Variants in MUSK observed in about 807,000 individuals in gnomAD.
MUSK encodes the protein muscle associated receptor tyrosine kinase.
Under a neutral mutation model 88.7 loss-of-function variants are expected in MUSK, and 55 were observed. That is an observed-to-expected ratio of 0.62 (90% CI 0.50 to 0.78). MUSK has a LOEUF of 0.78. Among genes scored for constraint, MUSK ranks in the 30% least tolerant of loss-of-function variants. The pLI, the probability that MUSK is intolerant of heterozygous loss-of-function variation, is 0.00. For synonymous variants in MUSK, 387 were observed against 391.9 expected, an observed-to-expected ratio of 0.99 and a Z score of 0.15; for missense variants, 1,015 against 1,074.3, an observed-to-expected ratio of 0.94 and a Z score of 0.77.
chr9:110,693,201 T>G (rs2076380808), intron 3 of MUSK, among the ~76,000 whole-genome samples: 1 of 152,188 alleles, frequency 6.6e-6, no homozygotes, highest in Non-Finnish European at 1.5e-5. Context: ...CTTTTGAATA[T>G]TTTTGCATAT....
chr9:110,779,477 A>T (rs185223004), intron 11 of MUSK, among the ~76,000 whole-genome samples: 2 of 152,124 alleles, frequency 1.3e-5, no homozygotes, highest in Non-Finnish European at 2.9e-5. Flanking sequence ...TTCACATTAA[A>T]TATCTCCAAT....
intron 3 of MUSK, among the ~76,000 whole-genome samples, chr9:110,692,310 C>A (rs1188820087): frequency 1.3e-5 from 2 of 152,062 alleles, no homozygotes; most frequent in Non-Finnish European, 2.9e-5. Context: ...CAGGCATGAG[C>A]CACCATACCA....
intron 5 of MUSK, among the ~76,000 whole-genome samples, chr9:110,719,119 T>G (rs113651412): frequency 0.014 from 2,195 of 152,136 alleles, 53 homozygotes; most frequent in African/African-American, 0.05. Flanking sequence ...TAGAACCTCT[T>G]TAAAGTTTAC....
intron 3 of MUSK, among the ~76,000 whole-genome samples, chr9:110,691,436 C>T (rs753245635): frequency 1.3e-5 from 2 of 152,110 alleles, no homozygotes; most frequent in Non-Finnish European, 2.9e-5. Flanking sequence ...TCAACATCAC[C>T]AGCATCATCA....
At chr9:110,731,058 C>A (rs1336580072) in intron 5 of MUSK, among the ~76,000 whole-genome samples, 1 of 152,052 alleles carries the variant, frequency 6.6e-6, no homozygotes, top group African/African-American at 2.4e-5. Flanking sequence ...CAAGTCCCTT[C>A]CCCCAACCTT....
At chr9:110,772,562 G>A (rs1394163173) in intron 9 of MUSK, among the ~76,000 whole-genome samples, 1 of 151,746 alleles carries the variant, frequency 6.6e-6, no homozygotes, top group Non-Finnish European at 1.5e-5. Flanking sequence ...TTTTTTCTCT[G>A]ATATATAATA....
intron 14 of MUSK, among the ~76,000 whole-genome samples, chr9:110,798,472 T>G (rs774193121): frequency 6.6e-6 from 1 of 152,152 alleles, no homozygotes; most frequent in Non-Finnish European, 1.5e-5. Flanking sequence ...AGTAGAACAA[T>G]CAGGTGAGAT....
At chr9:110,757,539 G>A (rs570917088) in intron 7 of MUSK, among the ~76,000 whole-genome samples, 7 of 149,968 alleles carry the variant, frequency 4.7e-5, no homozygotes, top group African/African-American at 1.7e-4. Context: ...TTTTTGTATT[G>A]CTAATACTTT....
intron 5 of MUSK, among the ~76,000 whole-genome samples, chr9:110,698,950 C>A (rs1004075036): frequency 6.6e-6 from 1 of 152,076 alleles, no homozygotes; most frequent in South Asian, 2.1e-4. Context: ...AGAATTAATG[C>A]TATCCATTTG....
chr9:110,779,090 A>G (rs190645137), intron 11 of MUSK, among the ~76,000 whole-genome samples: 110 of 143,846 alleles, frequency 7.6e-4, no homozygotes, highest in African/African-American at 2.7e-3. Flanking sequence ...GTGTCTGTGT[A>G]AAACTCATGA....
intron 7 of MUSK, among the ~76,000 whole-genome samples, chr9:110,748,227 TTTTC>T (rs2077202488): frequency 7.0e-6 from 1 of 142,324 alleles, no homozygotes; most frequent in South Asian, 2.6e-4. Context: ...CCTCTTTTCC[TTTTC>T]TTTAATTTCC....
At chr9:110,772,430 T>A (rs1483860167) in intron 9 of MUSK, among the ~76,000 whole-genome samples, 1 of 151,878 alleles carries the variant, frequency 6.6e-6, no homozygotes, top group Non-Finnish European at 1.5e-5. Context: ...CCATTGTTAT[T>A]TAAATAAGTA....
chr9:110,747,046 C>T (rs890040583), intron 6 of MUSK, among the ~76,000 whole-genome samples: 3 of 152,190 alleles, frequency 2.0e-5, no homozygotes, highest in African/African-American at 7.2e-5. Context: ...ATGGTTGTAT[C>T]ACAAATCAGC....
At position 110,803,953 on chromosome 9, in the gene MUSK, T is replaced by C. The variant is rs1032339216; in HGVS notation, c.*2965T>C. On this transcript the variant is annotated 3_prime_UTR_variant, in exon 15 of 15. Coordinates refer to ENST00000374448, the MANE Select transcript of MUSK (RefSeq NM_005592.4). The stretch of plus-strand genomic sequence containing the variant: ...TCAGTAAGGCACCAGCAGTCATTTT[T>C]AGTGATCAAATACCAAACATGGTAA... 2.0e-5 allele frequency among the ~76,000 whole-genome samples: 3 copies of C among 152,246 alleles called. No individual in the cohort carries two copies. Among genetic ancestry groups the C allele is most frequent in the African/African-American group, 7.2e-5 (3 of 41,466 alleles).
At chr9:110,690,338 GTA>G (rs200675992) in intron 3 of MUSK, among the ~76,000 whole-genome samples, 20,582 of 69,896 alleles carry the variant, frequency 0.29, 3,073 homozygotes, top group African/African-American at 0.52. Context: ...TTAAATATAA[GTA>G]TATATATATT....
intron 7 of MUSK, among the ~76,000 whole-genome samples, chr9:110,752,791 C>T (rs1268803567): frequency 6.6e-6 from 1 of 152,184 alleles, no homozygotes; most frequent in Non-Finnish European, 1.5e-5. Flanking sequence ...TTCATTTTTC[C>T]AAAACCCTTC....
At chr9:110,684,429 A>G (rs2076169115) in intron 2 of MUSK, among the ~76,000 whole-genome samples, 1 of 151,426 alleles carries the variant, frequency 6.6e-6, no homozygotes, top group Non-Finnish European at 1.5e-5. Flanking sequence ...TGATTCCTCC[A>G]GTTTTTTTCT....
At chr9:110,728,712 C>CAAAA in intron 5 of MUSK, 1 of 1,574,466 alleles carries the variant, frequency 6.4e-7, no homozygotes, top group Non-Finnish European at 8.5e-7. Flanking sequence ...GAACAAGATA[C>CAAAA]TAAAGGTATT....
intron 14 of MUSK, 69 bp from the exon 15 acceptor site, chr9:110,800,237 T>G: frequency 4.9e-5 from 67 of 1,355,708 alleles, no homozygotes; most frequent in Non-Finnish European, 5.2e-5. Context: ...GGTCGTTTGC[T>G]TTTGGAGTGC....
Sources: allele counts gnomAD v4.1 joint callset (sites outside exome capture counted in the v4.1 genomes callset), GRCh38; gene constraint gnomAD v4.1.1; transcripts MANE v1.5; gene names NCBI Gene and HGNC (gene_info 2026-07-23, HGNC 2026-07-21).